Variants in COG5 observed in about 807,000 individuals in gnomAD.
COG5 encodes the protein conserved oligomeric Golgi complex subunit 5.
A neutral mutation model predicts 110.4 loss-of-function variants in COG5; 86 were observed. That is an observed-to-expected ratio of 0.78 (90% CI 0.65 to 0.93). The LOEUF (loss-of-function observed/expected upper bound fraction) is 0.93. Among genes scored for constraint, COG5 ranks in the 40% least tolerant of loss-of-function variants. The pLI is 0.00. For synonymous variants in COG5, 360 were observed against 334.6 expected (o/e 1.08, Z -0.83); for missense variants, 1,077 against 987.0 (o/e 1.09, Z -1.22).
chr7:107,207,707 A>C, intron 21 of COG5: 2 of 938,180 alleles, frequency 2.1e-6, no homozygotes, highest in Non-Finnish European at 2.5e-6. Flanking sequence ...TGCCTGATGC[A>C]GGCTGAACAC....
chr7:107,346,469 A>C (rs1440883176), intron 10 of COG5, among the ~76,000 whole-genome samples: 1 of 152,192 alleles, frequency 6.6e-6, no homozygotes, highest in Non-Finnish European at 1.5e-5. Flanking sequence ...GTTCAAGAAA[A>C]TTTTGTAAAA....
chr7:107,537,123 G>T (rs1373803793), intron 5 of COG5, among the ~76,000 whole-genome samples: 2 of 152,116 alleles, frequency 1.3e-5, no homozygotes, highest in African/African-American at 4.8e-5. Context: ...TACACTGTTG[G>T]TGGGAGTGTA....
At chr7:107,418,613 C>CT (rs35480079) in intron 6 of COG5, among the ~76,000 whole-genome samples, 3,769 of 115,566 alleles carry the variant, frequency 0.033, 188 homozygotes, top group African/African-American at 0.098. Context: ...TCATGGCTTG[C>CT]TTTTTTTTTT....
chr7:107,288,403 C>T (rs1209499333), intron 12 of COG5, among the ~76,000 whole-genome samples: 2 of 152,140 alleles, frequency 1.3e-5, no homozygotes, highest in African/African-American at 4.8e-5. Flanking sequence ...TTTTCCAAGG[C>T]CCTGTACCAG....
chr7:107,263,948 G>C (rs893249431), intron 14 of COG5, among the ~76,000 whole-genome samples: 6 of 152,088 alleles, frequency 3.9e-5, no homozygotes, highest in African/African-American at 1.4e-4. Flanking sequence ...GGGATGAGTT[G>C]GATGACAACT....
rs533919157 is a variant in COG5 at position 107,239,137 on chromosome 7, A to T, written c.1854-2450T>A. ...TAATCTATTTTCATTTGATTTTCACATATGGTATGAGATAAGGGTCCAATT... is the reference window on the plus strand; with the variant it reads ...TAATCTATTTTCATTTGATTTTCACTTATGGTATGAGATAAGGGTCCAATT... On this transcript the variant is annotated intron_variant, in intron 17 of 21. Coordinates refer to ENST00000297135, the MANE Select transcript of COG5 (RefSeq NM_006348.5). Among the ~76,000 whole-genome samples, 280 of 152,344 alleles carry T rather than the reference A, an allele frequency of 1.8e-3. 1 individual carries two copies. Among genetic ancestry groups the T allele is most frequent in the African/African-American group, 4.0e-3 (165 of 41,576 alleles).
intron 21 of COG5, among the ~76,000 whole-genome samples, chr7:107,206,149 G>A (rs547610718): frequency 6.6e-6 from 1 of 152,224 alleles, no homozygotes; most frequent in East Asian, 1.9e-4. Context: ...TTTTAGTAGA[G>A]ACGGGGTTTC....
At chr7:107,458,623 C>A (rs888650961) in intron 6 of COG5, among the ~76,000 whole-genome samples, 6 of 152,074 alleles carry the variant, frequency 3.9e-5, no homozygotes, top group African/African-American at 1.4e-4. Context: ...GGGAGGCCAA[C>A]ACAGAAGGAT....
intron 11 of COG5, among the ~76,000 whole-genome samples, chr7:107,300,663 TGAA>T (rs1174421587): frequency 2.6e-5 from 4 of 152,110 alleles, no homozygotes; most frequent in Non-Finnish European, 5.9e-5. Context: ...AATGCTGAGA[TGAA>T]GAAGACCTAT....
intron 6 of COG5, among the ~76,000 whole-genome samples, chr7:107,452,017 T>C (rs992922982): frequency 6.6e-6 from 1 of 152,166 alleles, no homozygotes; most frequent in Admixed American, 6.6e-5. Flanking sequence ...CTCCTACGAA[T>C]GGTTCAGTGA....
intron 7 of COG5, among the ~76,000 whole-genome samples, chr7:107,403,672 G>A (rs1791604115): frequency 6.6e-6 from 1 of 152,072 alleles, no homozygotes. Flanking sequence ...GGTAGAAGGA[G>A]AGGGGAAGGT....
Position 107,446,953 on chromosome 7 carries a change from T to C in COG5, c.539-34321A>G, listed in dbSNP as rs559693716. 1.1e-3 allele frequency among the ~76,000 whole-genome samples: 164 copies of C among 152,346 alleles called. 1 individual carries two copies. Among genetic ancestry groups the C allele is most frequent in the Middle Eastern group, 3.4e-3 (1 of 294 alleles). On this transcript the variant is annotated intron_variant, in intron 6 of 21. Coordinates refer to ENST00000297135, the MANE Select transcript of COG5 (RefSeq NM_006348.5). ...TCAGTTCTGTAGGTTAGAAGTCCAG[T>C]GGGCTCAATTGGCTTTTTCTGCTCT...
chr7:107,423,741 T>G (rs1793452251), intron 6 of COG5, among the ~76,000 whole-genome samples: 1 of 151,972 alleles, frequency 6.6e-6, no homozygotes, highest in South Asian at 2.1e-4. Flanking sequence ...AACAGAATCT[T>G]GCAACATATG....
At chr7:107,495,036 C>T (rs1050763946) in intron 6 of COG5, among the ~76,000 whole-genome samples, 2 of 152,052 alleles carry the variant, frequency 1.3e-5, no homozygotes, top group Non-Finnish European at 2.9e-5. Context: ...AAAAAGCAAT[C>T]GAAAGTCAGA....
chr7:107,389,428 G>A (rs1790452782), intron 7 of COG5, among the ~76,000 whole-genome samples: 1 of 152,186 alleles, frequency 6.6e-6, no homozygotes. Flanking sequence ...GTGTATCTCT[G>A]CCCAAGCACA....
chr7:107,271,577 C>T (rs1476052871), intron 14 of COG5, among the ~76,000 whole-genome samples: 1 of 151,882 alleles, frequency 6.6e-6, no homozygotes, highest in Non-Finnish European at 1.5e-5. Flanking sequence ...TGTAAATAGC[C>T]TTTTATAAAG....
At chr7:107,475,083 A>C (rs1044944336) in intron 6 of COG5, 5 of 1,612,932 alleles carry the variant, frequency 3.1e-6, no homozygotes. Flanking sequence ...GTTTAGGCCC[A>C]AGTGACCTTT....
At chr7:107,491,948 A>G (rs1315649401) in intron 6 of COG5, among the ~76,000 whole-genome samples, 3 of 152,172 alleles carry the variant, frequency 2.0e-5, no homozygotes, top group African/African-American at 7.2e-5. Flanking sequence ...ATTAATCTGC[A>G]TAATTCCAAA....
Position 107,412,494 on chromosome 7 carries a change from T to C in COG5, c.669+8A>G. ...TTTTACATTAAAAAACAGTCTTATTTTTATTACCTGAGTCTCCAAACCCTG... is the reference window on the plus strand; with the variant it reads ...TTTTACATTAAAAAACAGTCTTATTCTTATTACCTGAGTCTCCAAACCCTG... On this transcript the variant is annotated splice_region_variant and intron_variant, in intron 7 of 21. Transcript: ENST00000297135. 6.2e-7 allele frequency: 1 copy of C among 1,612,204 alleles called. No homozygotes were observed.
Sources: allele counts gnomAD v4.1 joint callset (sites outside exome capture counted in the v4.1 genomes callset), GRCh38; gene constraint gnomAD v4.1.1; transcripts MANE v1.5; gene names NCBI Gene and HGNC (gene_info 2026-07-23, HGNC 2026-07-21).